LTK: variants seen among roughly 807,000 people sequenced by gnomAD.
LTK encodes leukocyte receptor tyrosine kinase.
In LTK, 117 loss-of-function variants were observed where a neutral mutation model predicts 101.5. The observed-to-expected ratio is 1.15, with a 90% confidence interval of 0.99 to 1.34. LTK has a LOEUF of 1.34. Ranked by LOEUF, LTK falls within the 40% of genes most tolerant of loss-of-function variation. The pLI is 0.00. For synonymous variants in LTK, 563 were observed against 494.2 expected (o/e 1.14, Z -1.85); for missense variants, 1,252 against 1,164.7 (o/e 1.07, Z -1.09).
In LTK at chr15:41,504,765, G is replaced by A. The variant is rs2051198880; in HGVS notation, c.2120+8C>T. The stretch of plus-strand genomic sequence containing the variant: ...CAGTGGGGAAGGGGAGGGGAAGGGT[G>A]TTATCACCAGGAATCTGTCTTGGAT... On this transcript the variant is annotated splice_region_variant and intron_variant, in intron 17 of 19. Coordinates refer to ENST00000263800, the MANE Select transcript of LTK (RefSeq NM_002344.6). 1.3e-6 allele frequency: 2 copies of A among 1,517,020 alleles called. No individual in the cohort carries two copies. Among genetic ancestry groups the A allele is most frequent in the Non-Finnish European group, 1.8e-6 (2 of 1,103,194 alleles). 94.0% of individuals were successfully genotyped at this position (1,517,020 alleles called of 1,614,324 possible).
chr15:41,509,125 G>A lies in LTK; in HGVS notation c.1002C>T (p.Gly334=), dbSNP rs542040990. ...AGGGGGGYRG[G]DASETDNLWA... ...AGAGGTTGTCAGTCTCTGAAGCGTC[G>A]CCCCCTGGAAGTGGAGAGTGATGGA... The change falls in exon 8 of 20, where the codon GGC becomes GGT. Residue 334 remains glycine, a synonymous_variant. Transcript: ENST00000263800. 5.0e-5 allele frequency: 80 copies of A among 1,606,558 alleles called. No individual in the cohort carries two copies. Among genetic ancestry groups the A allele is most frequent in the East Asian group, 2.5e-4 (11 of 44,842 alleles).
chr15:41,507,804 C>G, intron 9 of LTK, 147 bp from the exon 10 acceptor site: 1 of 856,414 alleles, frequency 1.2e-6, no homozygotes, highest in South Asian at 1.8e-5. Context: ...ACCTCTCCCT[C>G]TTGAACACCC....
Position 41,505,199 on chromosome 15 carries a change from G to C in LTK, c.1925+9C>G. 8 of 1,613,336 alleles carry C rather than the reference G, an allele frequency of 5.0e-6. No individual in the cohort carries two copies. Among genetic ancestry groups the C allele is most frequent in the Non-Finnish European group, 6.8e-6 (8 of 1,179,452 alleles). On this transcript the variant is annotated intron_variant, in intron 15 of 19. Coordinates refer to ENST00000263800, the MANE Select transcript of LTK (RefSeq NM_002344.6). ...GATGGGGGTCCCCTGAGCCAGGACT[G>C]CTCCTAACCTGTGGATGAAGTGATT...
At chr15:41,512,599 G>A (rs1077808) in intron 3 of LTK, 108 bp downstream of exon 3, 1 of 1,351,476 alleles carries the variant, frequency 7.4e-7, no homozygotes, top group Non-Finnish European at 9.8e-7. Flanking sequence ...GGACCTCCCC[G>A]CGGAATAGTC....
intron 10 of LTK, 49 bp downstream of exon 10, chr15:41,507,513 C>G (rs4924549): frequency 1.3e-6 from 2 of 1,598,850 alleles, no homozygotes; most frequent in Non-Finnish European, 1.7e-6. Context: ...TCCCAGCTCA[C>G]TGGAGAGGAG....
Position 41,507,195 on chromosome 15 carries a change from G to A in LTK, c.1441C>T (p.Pro481Ser), listed in dbSNP as rs1345165634. ...KLRTSAIRTA[P>S]NPYYCQVGLG... The stretch of plus-strand genomic sequence containing the variant: ...CCCACCTGGCAATAATAGGGATTGG[G>A]GGCTGTCCTGATGGCAGAGGTTCGA... Residue 481 changes from proline (P) to serine (S), a missense_variant, in exon 11 of 20, where the codon CCC becomes TCC. Transcript: ENST00000263800. 1.2e-6 allele frequency: 2 copies of A among 1,613,894 alleles called. No homozygotes were observed. Among genetic ancestry groups the A allele is most frequent in the Non-Finnish European group, 8.5e-7 (1 of 1,179,968 alleles).
chr15:41,511,622 C>A lies in LTK; in HGVS notation c.658-44G>T, dbSNP rs376037987. ...GTTCCAGGAAGCGCCCTCCAGCTGT[C>A]CAGGGGCACTGCCACTGGGAGAGGG... is the stretch of plus-strand genomic sequence containing the variant. On this transcript the variant is annotated intron_variant, in intron 5 of 19. Coordinates refer to ENST00000263800, the MANE Select transcript of LTK (RefSeq NM_002344.6). This position sits in a 1 kb window ranked among gnomAD's most constrained non-coding sequence, Gnocchi z 5.9. 48 of 1,421,676 alleles carry A rather than the reference C, an allele frequency of 3.4e-5. No homozygotes were observed. In the African/African-American group the frequency reaches 6.6e-4, roughly 20 times the overall value. 88.1% of individuals were successfully genotyped at this position (1,421,676 alleles called of 1,614,324 possible).
chr15:41,513,599 C>T (rs1382495345), intron 1 of LTK, 68 bp downstream of exon 1: 2 of 1,462,680 alleles, frequency 1.4e-6, no homozygotes, highest in Non-Finnish European at 1.9e-6. Context: ...GGCCTGTTGA[C>T]CGGCCACCCC....
intron 8 of LTK, 59 bp from the exon 9 acceptor site, chr15:41,508,280 T>TCCCA: frequency 6.8e-7 from 1 of 1,470,216 alleles, no homozygotes; most frequent in Non-Finnish European, 9.3e-7. Flanking sequence ...AGTAAATACA[T>TCCCA]GCCTTTGGCT....
Position 41,504,241 on chromosome 15 carries a change from G to T in LTK, c.2350C>A (p.Pro784Thr). The change falls in exon 20 of 20, where the codon CCG becomes ACG. Residue 784 changes from proline to threonine, a missense_variant. By Grantham distance (38) the Pro-to-Thr change is conservative (BLOSUM62 -1). Coordinates refer to ENST00000263800, the MANE Select transcript of LTK (RefSeq NM_002344.6). ...LERLQYCTQD[P>T]DVLNSLLPME... The stretch of plus-strand genomic sequence containing the variant: ...GGCAGGAGTGAATTCAGCACATCCG[G>T]GTCCTGTAATGGAAGAGTCAGGGAG... 6.2e-7 allele frequency: 1 copy of T among 1,607,836 alleles called. No individual in the cohort carries two copies. Among genetic ancestry groups the T allele is most frequent in the Admixed American group, 1.7e-5 (1 of 59,768 alleles).
At chr15:41,512,344 G>A (rs2051510597) in intron 3 of LTK, 79 bp from the exon 4 acceptor site, 7 of 1,453,180 alleles carry the variant, frequency 4.8e-6, no homozygotes, top group South Asian at 2.6e-5. Context: ...GACAGAGGAG[G>A]CTCCAGAATT....
intron 9 of LTK, 24 bp downstream of exon 9, chr15:41,508,045 A>C: frequency 1.3e-6 from 2 of 1,569,144 alleles, no homozygotes; most frequent in Non-Finnish European, 1.7e-6. Context: ...AGGAGTCCAG[A>C]CCTTGGGCAA....
At chr15:41,512,652 G>A (rs1374056724) in intron 3 of LTK, 55 bp downstream of exon 3, 1 of 1,479,000 alleles carries the variant, frequency 6.8e-7, no homozygotes, top group Admixed American at 2.3e-5. Context: ...TTACCCTGAG[G>A]GTGAAACCTC....
chr15:41,504,672 C>T (rs1166577210), intron 17 of LTK, 32 bp from the exon 18 acceptor site: 1 of 1,609,262 alleles, frequency 6.2e-7, no homozygotes, highest in South Asian at 1.1e-5. Flanking sequence ...CAAGTGAGGC[C>T]CGTCAGGTGT....
Position 41,511,310 on chromosome 15 carries a change from G to T in LTK, c.851C>A (p.Pro284Gln). 7.3e-7 allele frequency: 1 copy of T among 1,367,690 alleles called. No homozygotes were observed. Among genetic ancestry groups the T allele is most frequent in the Non-Finnish European group, 9.4e-7 (1 of 1,068,508 alleles). The allele number at this position is 1,367,690 out of a possible 1,614,324, so 84.7% of individuals were successfully genotyped here. The part of the protein sequence containing the change: ...GGGWTSRAPS[P>Q]QAGRSLQEGA... ...CTCCTGCAGTGAGCGGCCGGCCTGC[G>T]GAGAGGGAGCCCGCGACGTCCAGCC... is the stretch of plus-strand genomic sequence containing the variant. Residue 284 changes from proline to glutamine, a missense_variant, in exon 7 of 20, where the codon CCG becomes CAG. Physicochemically the swap from Pro to Gln is moderately conservative, Grantham distance 76. Transcript: ENST00000263800. The surrounding 1 kb of genome is among the most constrained non-coding windows in gnomAD (Gnocchi z 5.9).
Position 41,512,991 on chromosome 15 carries a change from G to A in LTK, c.173C>T (p.Pro58Leu), listed in dbSNP as rs757159916. 1.2e-6 allele frequency: 2 copies of A among 1,613,714 alleles called. No individual in the cohort carries two copies. The highest frequency in any genetic ancestry group is 2.2e-5 in the South Asian group (2 of 91,078). Residue 58 changes from proline (P) to leucine (L), a missense_variant, in exon 2 of 20, where the codon CCG (proline) becomes CTG (leucine). Physicochemically the swap from Pro to Leu is moderately conservative, Grantham distance 98. Coordinates refer to ENST00000263800, the MANE Select transcript of LTK (RefSeq NM_002344.6). ...CTAAAGCTCACCCGGAGAATTCAGC[G>A]GGGAGGCTGGCTCCAAGATACTAGG... is the stretch of plus-strand genomic sequence containing the variant. ...APPSILEPASPLNSPGTEGSW... is the reference protein window; with the variant it reads ...APPSILEPASLLNSPGTEGSW...
At position 41,512,933 on chromosome 15, in the gene LTK, T is replaced by C. The variant is rs758463803; in HGVS notation, c.187+44A>G. On this transcript the variant is annotated intron_variant, in intron 2 of 19. Transcript: ENST00000263800. ...CGAGCCCCTGGCTGGGCCAGAGGGG[T>C]CTGGTATGGTGAGCGAAAGAGGAAG... 5.0e-6 allele frequency: 8 copies of C among 1,610,466 alleles called. No homozygotes were observed. In the Admixed American group the frequency reaches 1.2e-4, roughly 24 times the overall value.
At chr15:41,507,064 A>G (rs2051308289) in intron 11 of LTK, 31 bp downstream of exon 11, 13 of 1,588,430 alleles carry the variant, frequency 8.2e-6, no homozygotes, top group East Asian at 4.5e-5. Context: ...TTCAGAGTGC[A>G]TAGGTTCTCA....
In LTK at chr15:41,512,744, C is replaced by A. The variant is rs751210285; in HGVS notation, c.322G>T (p.Val108Leu). 19 of 1,607,162 alleles carry A rather than the reference C, an allele frequency of 1.2e-5. No individual in the cohort carries two copies. In the Admixed American group the frequency reaches 3.0e-4, roughly 26 times the overall value. Residue 108 changes from valine (V) to leucine (L), a missense_variant, in exon 3 of 20, where the codon GTG (valine) becomes TTG (leucine). Val to Leu is a conservative substitution (Grantham distance 32, BLOSUM62 1). Coordinates refer to ENST00000263800, the MANE Select transcript of LTK (RefSeq NM_002344.6). The part of the protein sequence containing the change: ...TVGAAGQLRG[V>L]QLWRVPGPGQ... ...GGGCCCGGCACGCGCCACAGCTGCA[C>A]GCCTCTCAGCTGCCCGGCGGCCCCC...
Sources: allele counts gnomAD v4.1 joint callset, GRCh38; gene constraint gnomAD v4.1.1; non-coding constraint Gnocchi (gnomAD v3.1); transcripts MANE v1.5; gene names NCBI Gene and HGNC (gene_info 2026-07-23, HGNC 2026-07-21).